FAM171B: variants seen among roughly 807,000 people sequenced by gnomAD.
The protein encoded by FAM171B is family with sequence similarity 171 member B.
A neutral mutation model predicts 75.6 loss-of-function variants in FAM171B; 19 were observed. The ratio of observed to expected loss-of-function variants is 0.25; its 90% CI spans 0.18 to 0.37. The LOEUF (loss-of-function observed/expected upper bound fraction) is 0.37. Ranked by LOEUF, FAM171B falls within the 10% of genes least tolerant of loss-of-function variation. The pLI, the probability that FAM171B is intolerant of heterozygous loss-of-function variation, is 1.00. For missense variants in FAM171B, 848 were observed against 982.4 expected (o/e 0.86, Z 1.83); for synonymous variants, 367 against 361.7 (o/e 1.01, Z -0.17).
intron 4 of FAM171B, among the ~76,000 whole-genome samples, chr2:186,747,922 AC>A (rs1690390804): frequency 2.0e-5 from 3 of 151,800 alleles, no homozygotes; most frequent in South Asian, 2.1e-4. Context: ...CACTTGTTCC[AC>A]CATTTTTTTT....
In FAM171B at chr2:186,740,272, C is replaced by A; in HGVS notation, c.283C>A (p.Arg95Ser). ...LKVQVNDIIS[R>S]QYLSQAVVEV... ...AGTCCAGGTGAATGACATCATCAGT[C>A]GTCAGTACCTGAGCCAAGCAGTTGT... Residue 95 changes from arginine to serine, a missense_variant, in exon 2 of 8, where the codon CGT (arginine) becomes AGT (serine). Coordinates refer to ENST00000304698, the MANE Select transcript of FAM171B (RefSeq NM_177454.4). 1 of 1,613,932 alleles carries A rather than the reference C, an allele frequency of 6.2e-7. No homozygotes were observed. Among genetic ancestry groups the A allele is most frequent in the Non-Finnish European group, 8.5e-7 (1 of 1,179,894 alleles).
chr2:186,697,670 A>T (rs766481811), intron 1 of FAM171B, among the ~76,000 whole-genome samples: 1 of 152,194 alleles, frequency 6.6e-6, no homozygotes, highest in Non-Finnish European at 1.5e-5. Context: ...TTCTTTGGAC[A>T]TGCCACATGA....
chr2:186,763,037 G>A lies in FAM171B; in HGVS notation c.*214G>A. 1.9e-6 allele frequency: 1 copy of A among 532,592 alleles called. No homozygotes were observed. 33.0% of individuals were successfully genotyped at this position (532,592 alleles called of 1,614,324 possible). ...TTTATTTTTGGGTGATGAATTTACA[G>A]TATCTAAGTTTTCAAAATGTAAAAT... On this transcript the variant is annotated 3_prime_UTR_variant, in exon 8 of 8. Transcript: ENST00000304698.
chr2:186,707,830 CT>C (rs59441406), intron 1 of FAM171B, among the ~76,000 whole-genome samples: 1,095 of 97,430 alleles, frequency 0.011, 12 homozygotes, highest in African/African-American at 0.04. Flanking sequence ...TTAAATACCA[CT>C]TTTTTTTTTT....
chr2:186,699,257 G>T (rs1267616188), intron 1 of FAM171B, among the ~76,000 whole-genome samples: 1 of 152,026 alleles, frequency 6.6e-6, no homozygotes, highest in Non-Finnish European at 1.5e-5. Context: ...GTGTACAAGG[G>T]TTTCTTTTTC....
intron 1 of FAM171B, among the ~76,000 whole-genome samples, chr2:186,736,113 C>A (rs1186191549): frequency 6.6e-6 from 1 of 152,082 alleles, no homozygotes; most frequent in East Asian, 1.9e-4. Flanking sequence ...TTCAGACAGA[C>A]TAATGGAACC....
intron 1 of FAM171B, chr2:186,695,430 C>G (rs1473142456): frequency 1.3e-5 from 2 of 152,298 alleles, no homozygotes; most frequent in East Asian, 3.9e-4. Context: ...TTTTGTGAAA[C>G]CAAAGTGAAT....
intron 2 of FAM171B, among the ~76,000 whole-genome samples, chr2:186,740,978 T>C (rs1168205768): frequency 6.6e-6 from 1 of 152,246 alleles, no homozygotes; most frequent in Non-Finnish European, 1.5e-5. Context: ...CATGGGAATC[T>C]TTTAAAAATA....
At chr2:186,723,684 C>T (rs766237956) in intron 1 of FAM171B, among the ~76,000 whole-genome samples, 3 of 152,136 alleles carry the variant, frequency 2.0e-5, no homozygotes, top group Non-Finnish European at 4.4e-5. Flanking sequence ...GAAGAAGTTG[C>T]TGAAGGAAGA....
intron 6 of FAM171B, among the ~76,000 whole-genome samples, chr2:186,759,735 T>G (rs1211238878): frequency 6.6e-6 from 1 of 152,082 alleles, no homozygotes; most frequent in East Asian, 1.9e-4. Flanking sequence ...TCTGGTTATT[T>G]TCTCCCATTC....
intron 6 of FAM171B, among the ~76,000 whole-genome samples, chr2:186,755,629 G>A (rs554538934): frequency 3.3e-5 from 5 of 152,204 alleles, no homozygotes; most frequent in Non-Finnish European, 2.9e-5. Flanking sequence ...TTATTTTGAA[G>A]GCTATCAGTT....
chr2:186,734,857 A>G (rs1404484278), intron 1 of FAM171B, among the ~76,000 whole-genome samples: 1 of 152,214 alleles, frequency 6.6e-6, no homozygotes, highest in Non-Finnish European at 1.5e-5. Flanking sequence ...GCTGCCCCCA[A>G]GTGTGTGCAC....
At chr2:186,756,633 A>G (rs1574113984) in intron 6 of FAM171B, among the ~76,000 whole-genome samples, 1 of 152,080 alleles carries the variant, frequency 6.6e-6, no homozygotes, top group East Asian at 1.9e-4. Flanking sequence ...CAGTTCTCCA[A>G]TTTTCAGTGG....
chr2:186,694,537 T>A (rs922802908), intron 1 of FAM171B, 126 bp downstream of exon 1: 6 of 1,316,536 alleles, frequency 4.6e-6, no homozygotes, highest in African/African-American at 3.0e-5. Context: ...TCCCTCCCGA[T>A]CTCTCTCCCC....
At position 186,762,232 on chromosome 2, in the gene FAM171B, C is replaced by T. The variant is rs541902993; in HGVS notation, c.1890C>T (p.Ser630=). The change falls in exon 8 of 8, where the codon TCC becomes TCT. Residue 630 remains serine (S), a synonymous_variant. Transcript: ENST00000304698. This position sits in a 1 kb window ranked among gnomAD's most constrained non-coding sequence, Gnocchi z 4.0. ...GATACTCAAGCAGCTTACTGGAATC[C>T]GTCTCTGTTCCTGGAACACTAAATG... is the stretch of plus-strand genomic sequence containing the variant. ...WSRYSSSLLE[S]VSVPGTLNEA... 12 of 1,613,702 alleles carry T rather than the reference C, an allele frequency of 7.4e-6. No individual in the cohort carries two copies. The highest frequency in any genetic ancestry group is 4.5e-5 in the East Asian group (2 of 44,850).
intron 1 of FAM171B, among the ~76,000 whole-genome samples, chr2:186,728,159 T>C (rs778978550): frequency 6.6e-6 from 1 of 152,192 alleles, no homozygotes; most frequent in Non-Finnish European, 1.5e-5. Context: ...GTTAAAAAAA[T>C]GATAGTGTAA....
Position 186,710,509 on chromosome 2 carries a change from T to C in FAM171B, c.238+16098T>C, listed in dbSNP as rs182918422. Among the ~76,000 whole-genome samples the C allele has an allele frequency of 2.1e-3, 318 of 152,330 alleles. No homozygotes were observed. The Middle Eastern group carries it at 0.027, about 13-fold the overall frequency. The stretch of plus-strand genomic sequence containing the variant: ...TTGATTCTGTCTTCTCCCTCTTTTT[T>C]AAGTGTCCAATGACAGTGTTTTTAG... On this transcript the variant is annotated intron_variant, in intron 1 of 7. Transcript: ENST00000304698.
At chr2:186,747,361 C>T (rs1480237805) in intron 4 of FAM171B, 111 bp downstream of exon 4, 3 of 573,440 alleles carry the variant, frequency 5.2e-6, no homozygotes, top group Non-Finnish European at 7.8e-6. Context: ...ATGGATAATA[C>T]ACATCATTTG....
At chr2:186,741,593 CTAAGA>C (rs1217788539) in intron 2 of FAM171B, among the ~76,000 whole-genome samples, 1 of 152,020 alleles carries the variant, frequency 6.6e-6, no homozygotes, top group Non-Finnish European at 1.5e-5. Context: ...CTTTAATAAT[CTAAGA>C]TTAGTACACC....
Sources: gnomAD v4.1 joint callset for allele counts (sites outside exome capture counted in the v4.1 genomes callset) on GRCh38, gnomAD v4.1.1 for gene constraint, Gnocchi (gnomAD v3.1) non-coding constraint, MANE v1.5 for transcripts, NCBI Gene and HGNC (gene_info 2026-07-23, HGNC 2026-07-21) for gene names.